SLIT3: variants seen among roughly 807,000 people sequenced by gnomAD.
SLIT3 encodes slit homolog 3 protein.
In SLIT3, 68 loss-of-function variants were observed where a neutral mutation model predicts 184.0. The observed-to-expected ratio is 0.37, with a 90% CI of 0.30 to 0.45. The LOEUF (loss-of-function observed/expected upper bound fraction) is 0.45. SLIT3 is among the 20% of genes least tolerant of loss of function. The pLI is 1.00. For missense variants in SLIT3, 1,707 were observed against 2,026.0 expected, an observed-to-expected ratio of 0.84 and a Z score of 3.02; for synonymous variants, 831 against 828.6, an observed-to-expected ratio of 1.00 and a Z score of -0.05.
rs180710918 is a variant in SLIT3 at position 168,806,578 on chromosome 5, G to A, written c.803C>T (p.Ser268Leu). 87 of 1,614,178 alleles carry A rather than the reference G, an allele frequency of 5.4e-5. No homozygotes were observed. In the East Asian group the frequency reaches 8.0e-4, roughly 15 times the overall value. The change falls in exon 9 of 36, where the codon TCG becomes TTG. Residue 268 changes from serine to leucine, a missense_variant. By Grantham distance (145) the Ser-to-Leu change is moderately radical. Around this residue, in one of 3 missense-constraint regions of SLIT3, gnomAD observed 1,307 missense variants for 1,511.6 expected, o/e 0.86. Coordinates refer to ENST00000519560, the MANE Select transcript of SLIT3 (RefSeq NM_003062.4). ...KKEYVCPAPH[S>L]EPPSCNANSI... ...GTTGGCATTGCAGGATGGGGGCTCC[G>A]AGTGGGGGGCTGTGGAGCCAAGACA...
intron 12 of SLIT3, among the ~76,000 whole-genome samples, chr5:168,775,370 A>G (rs930438153): frequency 2.0e-5 from 3 of 151,724 alleles, no homozygotes; most frequent in African/African-American, 7.3e-5. Context: ...GACACACCAG[A>G]TTTTTCCCTA....
At chr5:168,852,776 G>T (rs1758725856) in intron 5 of SLIT3, among the ~76,000 whole-genome samples, 1 of 152,106 alleles carries the variant, frequency 6.6e-6, no homozygotes, top group African/African-American at 2.4e-5. Context: ...TGTATAATTT[G>T]TAACTATGCA....
intron 20 of SLIT3, among the ~76,000 whole-genome samples, chr5:168,729,397 A>G (rs973846196): frequency 6.6e-6 from 1 of 152,118 alleles, no homozygotes; most frequent in Non-Finnish European, 1.5e-5. Context: ...GCAAGAGAAA[A>G]GCATGGAGTC....
At chr5:169,123,658 T>C (rs1283741037) in intron 4 of SLIT3, among the ~76,000 whole-genome samples, 1 of 152,042 alleles carries the variant, frequency 6.6e-6, no homozygotes, top group African/African-American at 2.4e-5. Context: ...ACAAATGAGA[T>C]CTAGATCCTG....
intron 4 of SLIT3, among the ~76,000 whole-genome samples, chr5:168,908,351 C>G (rs1325924806): frequency 6.6e-6 from 1 of 152,116 alleles, no homozygotes; most frequent in Non-Finnish European, 1.5e-5. Context: ...CCTAATCTGT[C>G]TGAATGCCAT....
intron 1 of SLIT3, among the ~76,000 whole-genome samples, chr5:169,265,023 C>T (rs1766342282): frequency 6.6e-6 from 1 of 152,152 alleles, no homozygotes; most frequent in Non-Finnish European, 1.5e-5. Context: ...AACAGAGGGG[C>T]AACCCGGGTG....
At chr5:168,961,102 G>C (rs986938232) in intron 4 of SLIT3, among the ~76,000 whole-genome samples, 18 of 152,248 alleles carry the variant, frequency 1.2e-4, no homozygotes, top group African/African-American at 3.4e-4. Context: ...TTCCCAGAAG[G>C]CATGGCCATT....
At chr5:169,063,608 T>C (rs1172367306) in intron 4 of SLIT3, among the ~76,000 whole-genome samples, 1 of 152,344 alleles carries the variant, frequency 6.6e-6, no homozygotes. Flanking sequence ...TCCTCCCGTG[T>C]GCGTGAGTGA....
At chr5:168,862,016 C>T (rs577417396) in intron 5 of SLIT3, among the ~76,000 whole-genome samples, 129 of 152,324 alleles carry the variant, frequency 8.5e-4, no homozygotes, top group African/African-American at 3.0e-3. Context: ...GACACCAACA[C>T]TGTCCTTAGA....
At chr5:168,701,627 T>C (rs1488074302) in intron 26 of SLIT3, among the ~76,000 whole-genome samples, 1 of 152,222 alleles carries the variant, frequency 6.6e-6, no homozygotes, top group Non-Finnish European at 1.5e-5. Flanking sequence ...ACAGCCCGAC[T>C]CTTCTTGGCC....
At chr5:168,998,815 G>T (rs1402443394) in intron 4 of SLIT3, among the ~76,000 whole-genome samples, 1 of 152,132 alleles carries the variant, frequency 6.6e-6, no homozygotes, top group Non-Finnish European at 1.5e-5. Flanking sequence ...TGTCACCTAG[G>T]AATGTGTTAG....
At chr5:169,287,238 G>A (rs190283591) in intron 1 of SLIT3, among the ~76,000 whole-genome samples, 145 of 152,212 alleles carry the variant, frequency 9.5e-4, no homozygotes, top group African/African-American at 3.4e-3. Context: ...TCCTTCCCTT[G>A]CCGTTTTCTT....
At chr5:169,114,469 A>G (rs913608731) in intron 4 of SLIT3, among the ~76,000 whole-genome samples, 1 of 152,200 alleles carries the variant, frequency 6.6e-6, no homozygotes, top group African/African-American at 2.4e-5. Flanking sequence ...TCTCTCGCAG[A>G]CTTAGGAACA....
In SLIT3 at chr5:168,817,192, C is replaced by T. The variant is rs1581112080; in HGVS notation, c.793+108G>A. 20 of 1,028,468 alleles carry T rather than the reference C, an allele frequency of 1.9e-5. No individual in the cohort carries two copies. In the East Asian group the frequency reaches 5.1e-4, roughly 26 times the overall value. 63.7% of individuals were successfully genotyped at this position (1,028,468 alleles called of 1,614,324 possible). On this transcript the variant is annotated intron_variant, in intron 8 of 35. Coordinates refer to ENST00000519560, the MANE Select transcript of SLIT3 (RefSeq NM_003062.4). ...AGGACGACCTATGGGGTTCCTTCCA[C>T]ACCAAGCTCTGGGCTAGGGTATGTG...
At chr5:168,850,130 G>A (rs1044258233) in intron 5 of SLIT3, among the ~76,000 whole-genome samples, 29 of 152,016 alleles carry the variant, frequency 1.9e-4, no homozygotes, top group Non-Finnish European at 1.5e-4. Context: ...CAAAAGAAAC[G>A]CATATACTTC....
chr5:168,828,497 TA>T (rs979775530), intron 6 of SLIT3, among the ~76,000 whole-genome samples: 1 of 150,948 alleles, frequency 6.6e-6, no homozygotes, highest in Non-Finnish European at 1.5e-5. Flanking sequence ...ATAAATACAT[TA>T]AAAAAATAAA....
At chr5:168,831,343 T>G (rs1581126054) in intron 6 of SLIT3, among the ~76,000 whole-genome samples, 1 of 151,194 alleles carries the variant, frequency 6.6e-6, no homozygotes, top group African/African-American at 2.4e-5. Context: ...GAGACAAGGG[T>G]GGGAAGCCAT....
At chr5:168,821,193 C>T (rs1757520184) in intron 7 of SLIT3, among the ~76,000 whole-genome samples, 1 of 152,196 alleles carries the variant, frequency 6.6e-6, no homozygotes, top group Admixed American at 6.5e-5. Context: ...GTTCTCTTCC[C>T]CCGCCCTACT....
chr5:169,120,697 C>T (rs1217100982), intron 4 of SLIT3, among the ~76,000 whole-genome samples: 1 of 152,184 alleles, frequency 6.6e-6, no homozygotes, highest in Non-Finnish European at 1.5e-5. Context: ...TAAGGACTTG[C>T]ACCTTGCACA....
Sources: gnomAD v4.1 joint callset for allele counts (sites outside exome capture counted in the v4.1 genomes callset) on GRCh38, gnomAD v4.1.1 for gene constraint, gnomAD v4.1.1 regional missense constraint, MANE v1.5 for transcripts, NCBI Gene and HGNC (gene_info 2026-07-23, HGNC 2026-07-21) for gene names.